Variants in ESF1 observed in about 807,000 individuals in gnomAD.
The protein encoded by ESF1 is ESF1 homolog.
Under a neutral mutation model 92.0 loss-of-function variants are expected in ESF1, and 58 were observed. The observed-to-expected ratio is 0.63, with a 90% CI of 0.51 to 0.78. The LOEUF (loss-of-function observed/expected upper bound fraction) is 0.78. ESF1 is among the 30% of genes least tolerant of loss of function. ESF1 has a pLI of 0.00. For missense variants in ESF1, 922 were observed against 989.1 expected, an observed-to-expected ratio of 0.93 and a Z score of 0.91; for synonymous variants, 321 against 313.7, an observed-to-expected ratio of 1.02 and a Z score of -0.24.
At position 13,766,868 on chromosome 20, in the gene ESF1, C is replaced by T. The variant is rs759157718; in HGVS notation, c.1575G>A (p.Lys525=). The change falls in exon 8 of 14, where the codon AAG becomes AAA. Residue 525 remains lysine (K), a synonymous_variant. Coordinates refer to ENST00000617257, the MANE Select transcript of ESF1 (RefSeq NM_001276380.2). ...TGTCCAAAAGCTCTTCCTTTTTAAA[C>T]TTCCTGTTGAGCATTGTAATTCTTT... The part of the protein sequence containing the change: ...DHERITMLNR[K]FKKEELLDMD... 2 of 1,613,832 alleles carry T rather than the reference C, an allele frequency of 1.2e-6. No individual in the cohort carries two copies. The highest frequency in any genetic ancestry group is 2.2e-5 in the South Asian group (2 of 91,084).
intron 8 of ESF1, among the ~76,000 whole-genome samples, chr20:13,762,682 AAAC>A (rs1407542955): frequency 2.0e-5 from 3 of 152,156 alleles, no homozygotes; most frequent in Non-Finnish European, 4.4e-5. Context: ...GCTCTCTTAT[AAAC>A]AATAACCAGA....
chr20:13,749,965 C>A lies in ESF1; in HGVS notation c.1828+9727G>T, dbSNP rs1396473365. On this transcript the variant is annotated intron_variant, in intron 9 of 13. Transcript: ENST00000617257. The stretch of plus-strand genomic sequence containing the variant: ...AGGAAAGTACCCTCTCACTCCCACA[C>A]AAAACCAGCAGATTCAGTTTGCACA... Among the ~76,000 whole-genome samples, 9 of 152,180 alleles carry A rather than the reference C, an allele frequency of 5.9e-5. No individual in the cohort carries two copies. In the South Asian group the frequency reaches 1.4e-3, roughly 24 times the overall value.
At chr20:13,784,151 T>C (rs1252247764) in intron 1 of ESF1, among the ~76,000 whole-genome samples, 1 of 152,130 alleles carries the variant, frequency 6.6e-6, no homozygotes, top group African/African-American at 2.4e-5. Context: ...GTGAGCTCAT[T>C]CCCCCAAAAC....
Position 13,733,652 on chromosome 20 carries a change from C to T in ESF1, c.1950+69G>A, listed in dbSNP as rs984573071. 6.8e-6 allele frequency: 10 copies of T among 1,468,624 alleles called. No homozygotes were observed. In the South Asian group the frequency reaches 8.3e-5, roughly 12 times the overall value. The allele number at this position is 1,468,624 out of a possible 1,614,324, so 91.0% of individuals were successfully genotyped here. On this transcript the variant is annotated intron_variant, in intron 10 of 13. Coordinates refer to ENST00000617257, the MANE Select transcript of ESF1 (RefSeq NM_001276380.2). ...GGTTACATTTTGAGATAATGGATTC[C>T]AAGCACCTGGTACCATCTGATATAT...
intron 9 of ESF1, among the ~76,000 whole-genome samples, chr20:13,747,254 T>C (rs2050055684): frequency 1.7e-5 from 2 of 115,414 alleles, no homozygotes; most frequent in Non-Finnish European, 3.5e-5. Context: ...AAAAATGAGT[T>C]GTATATTAAA....
At chr20:13,749,681 T>A (rs898503159) in intron 9 of ESF1, among the ~76,000 whole-genome samples, 9 of 152,122 alleles carry the variant, frequency 5.9e-5, no homozygotes, top group African/African-American at 2.2e-4. Context: ...TTCTCCTGCC[T>A]CAGCCTCCCA....
rs2049810815 is a variant in ESF1 at position 13,714,752 on chromosome 20, T to G, written c.*122A>C. ...ATTTATGGAGAAAAATTTTACTATG[T>G]CCAGAAAAAGATTTTATTCATGTTC... On this transcript the variant is annotated 3_prime_UTR_variant, in exon 14 of 14. Transcript: ENST00000617257. The G allele has an allele frequency of 1.1e-6, 1 of 951,628 alleles. No homozygotes were observed. The highest frequency in any genetic ancestry group is 1.5e-6 in the Non-Finnish European group (1 of 667,254). The allele number at this position is 951,628 out of a possible 1,614,324, so 58.9% of individuals were successfully genotyped here. A position where few individuals can be genotyped will look rare whatever the true frequency, so the allele number is the denominator to read the frequency against.
chr20:13,781,164 TCTGA>T (rs1980168763), intron 2 of ESF1, among the ~76,000 whole-genome samples: 1 of 152,216 alleles, frequency 6.6e-6, no homozygotes, highest in Non-Finnish European at 1.5e-5. Context: ...GTATTATGGT[TCTGA>T]CTTTCTTCTA....
intron 9 of ESF1, 116 bp downstream of exon 9, chr20:13,759,576 G>A: frequency 1.5e-6 from 2 of 1,330,820 alleles, no homozygotes; most frequent in East Asian, 2.9e-5. Flanking sequence ...GTTAAATGGT[G>A]TATGCAAATA....
chr20:13,723,197 G>C (rs1327030683), intron 11 of ESF1, among the ~76,000 whole-genome samples: 3 of 152,184 alleles, frequency 2.0e-5, no homozygotes, highest in African/African-American at 7.2e-5. Flanking sequence ...AAGTTCACTG[G>C]AGGGCAGATG....
At chr20:13,760,449 C>A (rs1450852942) in intron 8 of ESF1, among the ~76,000 whole-genome samples, 4 of 151,616 alleles carry the variant, frequency 2.6e-5, no homozygotes, top group Non-Finnish European at 5.9e-5. Flanking sequence ...CGGCCGCGAC[C>A]CCGTCTGGGA....
chr20:13,750,700 A>G lies in ESF1; in HGVS notation c.1828+8992T>C, dbSNP rs1978593005. ...AATTAATACAATCCTTTCAAAAAGC[A>G]GGGCATGGTGGCTCATGCCTGCAAT... On this transcript the variant is annotated intron_variant, in intron 9 of 13. Transcript: ENST00000617257. 2.0e-5 allele frequency among the ~76,000 whole-genome samples: 3 copies of G among 152,206 alleles called. No individual in the cohort carries two copies. In the South Asian group the frequency reaches 6.2e-4, roughly 32 times the overall value.
At chr20:13,753,591 TG>T (rs1443983476) in intron 9 of ESF1, among the ~76,000 whole-genome samples, 1 of 152,084 alleles carries the variant, frequency 6.6e-6, no homozygotes, top group East Asian at 1.9e-4. Context: ...TCATAATTCT[TG>T]GTGACTTCAG....
intron 7 of ESF1, 90 bp from the exon 8 acceptor site, chr20:13,767,014 T>C: frequency 7.9e-7 from 1 of 1,263,904 alleles, no homozygotes; most frequent in Non-Finnish European, 1.1e-6. Flanking sequence ...ACCTGGATGT[T>C]TAACAGTAAG....
intron 9 of ESF1, among the ~76,000 whole-genome samples, chr20:13,742,748 G>A (rs1181475180): frequency 2.0e-5 from 3 of 151,948 alleles, no homozygotes; most frequent in Non-Finnish European, 4.4e-5. Flanking sequence ...GTCCCAAAAT[G>A]ATTTAAAAGT....
At chr20:13,728,738 A>C (rs1024888438) in intron 10 of ESF1, among the ~76,000 whole-genome samples, 1 of 151,842 alleles carries the variant, frequency 6.6e-6, no homozygotes, top group African/African-American at 2.4e-5. Context: ...ATGGTGGTGC[A>C]TGCCTGTAGT....
intron 13 of ESF1, 84 bp from the exon 14 acceptor site, chr20:13,715,251 G>C: frequency 2.4e-6 from 3 of 1,274,988 alleles, no homozygotes; most frequent in Non-Finnish European, 3.1e-6. Context: ...GCCAAATTTC[G>C]AAAGTTGGTG....
chr20:13,744,115 C>T (rs547132326), intron 9 of ESF1, among the ~76,000 whole-genome samples: 1 of 152,128 alleles, frequency 6.6e-6, no homozygotes, highest in Non-Finnish European at 1.5e-5. Context: ...AGGCCCATGC[C>T]GGACCATTGA....
At chr20:13,761,554 A>G (rs561280588) in intron 8 of ESF1, among the ~76,000 whole-genome samples, 1 of 152,294 alleles carries the variant, frequency 6.6e-6, no homozygotes, top group South Asian at 2.1e-4. Flanking sequence ...TTCAGCCTGA[A>G]GAGAAGAGAT....
Sources: allele counts gnomAD v4.1 joint callset (sites outside exome capture counted in the v4.1 genomes callset), GRCh38; gene constraint gnomAD v4.1.1; transcripts MANE v1.5; gene names NCBI Gene and HGNC (gene_info 2026-07-23, HGNC 2026-07-21).